SNX4: variants seen among roughly 807,000 people sequenced by gnomAD.
The protein encoded by SNX4 is sorting nexin 4.
SNX4 carries 49 observed loss-of-function variants against 70.8 expected under a neutral mutation model. That is an observed-to-expected ratio of 0.69 (90% CI 0.55 to 0.88). The LOEUF is 0.88. Among genes scored for constraint, SNX4 ranks in the 40% least tolerant of loss-of-function variants. The probability of loss-of-function intolerance (pLI) is 0.00; values close to 1 mark genes in which losing one functional copy is unlikely to be tolerated. For synonymous variants in SNX4, 206 were observed against 183.8 expected (o/e 1.12, Z -0.98); for missense variants, 528 against 544.8 (o/e 0.97, Z 0.31).
At chr3:125,510,842 C>T (rs1580011284) in intron 1 of SNX4, among the ~76,000 whole-genome samples, 1 of 152,180 alleles carries the variant, frequency 6.6e-6, no homozygotes, top group South Asian at 2.1e-4. Flanking sequence ...GCTGGTTGTA[C>T]AATGTACGTG....
intron 2 of SNX4, among the ~76,000 whole-genome samples, chr3:125,503,373 T>C (rs1379620903): frequency 6.6e-6 from 1 of 152,238 alleles, no homozygotes; most frequent in East Asian, 1.9e-4. Context: ...TTCCCTTGCC[T>C]TTCTTTAGAC....
At chr3:125,468,986 AT>A (rs1310848743) in intron 9 of SNX4, among the ~76,000 whole-genome samples, 1 of 151,886 alleles carries the variant, frequency 6.6e-6, no homozygotes, top group Admixed American at 6.6e-5. Flanking sequence ...CTCTTATTTA[AT>A]TTTCTTGTCT....
chr3:125,486,974 A>G (rs938226504), intron 6 of SNX4, among the ~76,000 whole-genome samples: 4 of 152,180 alleles, frequency 2.6e-5, no homozygotes, highest in African/African-American at 9.7e-5. Context: ...CTAAGGCCAC[A>G]TAAAAGTAGA....
At chr3:125,492,211 C>T (rs920851380) in intron 5 of SNX4, among the ~76,000 whole-genome samples, 10 of 151,784 alleles carry the variant, frequency 6.6e-5, no homozygotes, top group African/African-American at 2.2e-4. Context: ...AACACTTTTA[C>T]CTGCTTTATC....
intron 9 of SNX4, among the ~76,000 whole-genome samples, chr3:125,466,823 G>A (rs1022163454): frequency 1.3e-5 from 2 of 151,984 alleles, no homozygotes; most frequent in Non-Finnish European, 2.9e-5. Flanking sequence ...AGTGGCTCAC[G>A]CCTATAATCC....
chr3:125,506,817 T>TAAAAAAAAAAAAA (rs71148182), intron 1 of SNX4, among the ~76,000 whole-genome samples: 1 of 26,834 alleles, frequency 3.7e-5, no homozygotes, highest in African/African-American at 9.7e-5. Flanking sequence ...GTGGAGAAAG[T>TAAAAAAAAAAAAA]AAAAAAAAAA....
At chr3:125,459,535 C>A (rs1933820769) in intron 10 of SNX4, among the ~76,000 whole-genome samples, 1 of 152,144 alleles carries the variant, frequency 6.6e-6, no homozygotes, top group South Asian at 2.1e-4. Context: ...CTCCCCTGTT[C>A]AAGCAGTTAT....
At chr3:125,467,244 G>T (rs187092519) in intron 9 of SNX4, among the ~76,000 whole-genome samples, 1 of 151,886 alleles carries the variant, frequency 6.6e-6, no homozygotes, top group South Asian at 2.1e-4. Flanking sequence ...AAAATTAGCC[G>T]GGTGTGGTGG....
intron 7 of SNX4, among the ~76,000 whole-genome samples, chr3:125,477,791 G>A (rs1934319619): frequency 6.6e-6 from 1 of 152,118 alleles, no homozygotes; most frequent in African/African-American, 2.4e-5. Flanking sequence ...CACACTACAG[G>A]TCTGCCACTT....
chr3:125,509,271 G>A (rs372062430), intron 1 of SNX4, among the ~76,000 whole-genome samples: 4 of 146,670 alleles, frequency 2.7e-5, no homozygotes, highest in African/African-American at 7.6e-5. Flanking sequence ...TGGAGGTTGC[G>A]ATGAGCCAAG....
chr3:125,454,649 C>T (rs766890310), intron 11 of SNX4, among the ~76,000 whole-genome samples: 3 of 152,192 alleles, frequency 2.0e-5, no homozygotes, highest in Non-Finnish European at 4.4e-5. Context: ...TTAAACCAAT[C>T]TCACTGAAGA....
At chr3:125,500,915 CAAA>C (rs1934918008) in intron 2 of SNX4, among the ~76,000 whole-genome samples, 24 of 90,504 alleles carry the variant, frequency 2.7e-4, no homozygotes, top group African/African-American at 1.1e-3. Flanking sequence ...ATTACAGAAA[CAAA>C]ACCCTCTCGA....
chr3:125,469,724 C>A (rs1934119487), intron 8 of SNX4, among the ~76,000 whole-genome samples: 1 of 151,568 alleles, frequency 6.6e-6, no homozygotes, highest in Non-Finnish European at 1.5e-5. Flanking sequence ...AACGTTGATG[C>A]TTGCTGCTAA....
intron 1 of SNX4, among the ~76,000 whole-genome samples, chr3:125,506,576 G>A (rs546061864): frequency 1.4e-5 from 2 of 147,022 alleles, no homozygotes; most frequent in Non-Finnish European, 3.0e-5. Context: ...CACGATCTCA[G>A]CTCACTGTAA....
intron 2 of SNX4, among the ~76,000 whole-genome samples, chr3:125,501,485 T>C (rs997581673): frequency 1.1e-4 from 16 of 152,052 alleles, no homozygotes; most frequent in African/African-American, 3.4e-4. Context: ...CTGGGTGTGG[T>C]GGTGCAAGTC....
chr3:125,499,741 T>C (rs910064621), intron 2 of SNX4, among the ~76,000 whole-genome samples: 1 of 144,682 alleles, frequency 6.9e-6, no homozygotes, highest in African/African-American at 2.5e-5. Context: ...ACAGGGCTGA[T>C]AGAAGGTCTG....
intron 6 of SNX4, among the ~76,000 whole-genome samples, chr3:125,487,478 T>C (rs1006630004): frequency 2.0e-5 from 3 of 152,126 alleles, no homozygotes; most frequent in East Asian, 1.9e-4. Context: ...AAAATACTAA[T>C]TGACAAAATA....
At position 125,446,656 on chromosome 3, in the gene SNX4, C is replaced by T. The variant is rs1013370847; in HGVS notation, c.*1123G>A. ...AACAAAAATCATCTGAAAATCAGCA[C>T]AATATTTCATTTATTTATTGTATAA... On this transcript the variant is annotated 3_prime_UTR_variant, in exon 14 of 14. Transcript: ENST00000251775. The T allele has an allele frequency of 3.9e-5, 6 of 152,436 alleles. No homozygotes were observed. The highest frequency in any genetic ancestry group is 2.6e-4 in the Admixed American group (4 of 15,252). 9.4% of individuals were successfully genotyped at this position (152,436 alleles called of 1,614,324 possible).
In SNX4 at chr3:125,507,190, A is replaced by AG. The variant is rs1350657164; in HGVS notation, c.142-2447dup. Reference sequence around the variant, plus strand: ...GCCACTGCACTCCAGCCTGGGTGATAGAAAAAAAAAAAAAAAAAAAAGAAA... The same window carrying AG: ...GCCACTGCACTCCAGCCTGGGTGATAGGAAAAAAAAAAAAAAAAAAAAGAAA... On this transcript the variant is annotated intron_variant, in intron 1 of 13. Coordinates refer to ENST00000251775, the MANE Select transcript of SNX4 (RefSeq NM_003794.4). Among the ~76,000 whole-genome samples the AG allele has an allele frequency of 4.7e-3, 491 of 103,528 alleles. 2 individuals are homozygous for AG. Among genetic ancestry groups the AG allele is most frequent in the African/African-American group, 0.018 (458 of 26,126 alleles). The allele number at this position is 103,528 out of a possible 152,430, so 67.9% of individuals were successfully genotyped here. A position where few individuals can be genotyped will look rare whatever the true frequency, so the allele number is the denominator to read the frequency against.
Sources: gnomAD v4.1 joint callset for allele counts (sites outside exome capture counted in the v4.1 genomes callset) on GRCh38, gnomAD v4.1.1 for gene constraint, MANE v1.5 for transcripts, NCBI Gene and HGNC (gene_info 2026-07-23, HGNC 2026-07-21) for gene names.